The following THBS4 variants were observed in gnomAD, a reference collection of about 807,000 sequenced individuals.
THBS4 encodes thrombospondin-4.
A neutral mutation model predicts 115.7 loss-of-function variants in THBS4; 90 were observed. That is an observed-to-expected ratio of 0.78 (90% CI 0.66 to 0.93). THBS4 has a LOEUF of 0.93. Among genes scored for constraint, THBS4 ranks in the 40% least tolerant of loss-of-function variants. THBS4 has a pLI of 0.00. For missense variants in THBS4, 1,087 were observed against 1,232.7 expected, an observed-to-expected ratio of 0.88 and a Z score of 1.77; for synonymous variants, 460 against 479.3, an observed-to-expected ratio of 0.96 and a Z score of 0.53.
chr5:80,013,802 T>C (rs1832194088), intron 2 of THBS4, among the ~76,000 whole-genome samples: 1 of 152,228 alleles, frequency 6.6e-6, no homozygotes, highest in African/African-American at 2.4e-5. Flanking sequence ...ACAAGGCTAT[T>C]GTGAGAATTA....
intron 2 of THBS4, 57 bp downstream of exon 2, chr5:80,040,337 TA>T: frequency 7.2e-7 from 1 of 1,387,332 alleles, no homozygotes; most frequent in East Asian, 2.5e-5. Flanking sequence ...ATTCCAGGAT[TA>T]GGGGTATACT....
chr5:80,034,790 GA>G (rs1832656869), upstream of THBS4, among the ~76,000 whole-genome samples: 2 of 152,076 alleles, frequency 1.3e-5, no homozygotes, highest in South Asian at 4.1e-4. Flanking sequence ...AAATGATAGA[GA>G]AAAAAATTCA....
rs141309456 is a variant in THBS4, at chr5:80,063,615, A to T, written c.1125+1783A>T. Among the ~76,000 whole-genome samples the T allele has an allele frequency of 1.2e-4, 19 of 152,280 alleles. No homozygotes were observed. The East Asian group carries it at 3.3e-3, about 26-fold the overall frequency. ...TTTAATCATGAAGTCCTTGGAGGGC[A>T]TGATTTTTTAGACTAGAAAAGGGAG... On this transcript the variant is annotated intron_variant, in intron 8 of 21. Transcript: ENST00000350881.
chr5:79,998,936 C>G (rs1313060759), intron 2 of THBS4, among the ~76,000 whole-genome samples: 1 of 152,090 alleles, frequency 6.6e-6, no homozygotes, highest in African/African-American at 2.4e-5. Flanking sequence ...CCACATGGCT[C>G]TCTAGAATCA....
chr5:80,080,579 CT>C (rs67048630), intron 20 of THBS4, among the ~76,000 whole-genome samples: 144 of 50,432 alleles, frequency 2.9e-3, no homozygotes, highest in African/African-American at 5.4e-3. Context: ...GCGCTTGTAT[CT>C]TTTTTTTTTT....
At chr5:80,067,127 T>C (rs1833857571) in intron 9 of THBS4, 1 of 151,874 alleles carries the variant, frequency 6.6e-6, no homozygotes, top group African/African-American at 2.4e-5. Flanking sequence ...TACTATATTA[T>C]ATATATGAAA....
At chr5:80,067,179 A>G (rs1833859432) in intron 9 of THBS4, 1 of 151,510 alleles carries the variant, frequency 6.6e-6, no homozygotes, top group Admixed American at 6.6e-5. Flanking sequence ...ACTGAAAAAG[A>G]AAAAAAGGAA....
At chr5:80,053,170 G>A (rs539047082) in intron 2 of THBS4, 16 of 151,738 alleles carry the variant, frequency 1.1e-4, no homozygotes, top group Admixed American at 7.2e-4. Context: ...ATATACACAT[G>A]CACACTTTTT....
intron 2 of THBS4, among the ~76,000 whole-genome samples, chr5:80,023,985 T>TC (rs1832428281): frequency 6.6e-6 from 1 of 151,866 alleles, no homozygotes; most frequent in Admixed American, 6.6e-5. Flanking sequence ...AGGGCCCACC[T>TC]CCCCACACCA....
rs114459220 is a variant in THBS4, at chr5:79,995,740, A to G, written n.82-2592A>G. Among the ~76,000 whole-genome samples the G allele has an allele frequency of 4.0e-3, 611 of 152,224 alleles. 4 individuals are homozygous for G. The highest frequency in any genetic ancestry group is 7.5e-3 in the South Asian group (36 of 4,818). On this transcript the variant is annotated intron_variant and non_coding_transcript_variant, in intron 1 of 3. Transcript: ENST00000510218. Reference sequence around the variant, plus strand: ...ACTGGAGGAAGTTTCAAGGGGAACTATGGGATGCTGAGTAGATAAATCAGT... The same window carrying G: ...ACTGGAGGAAGTTTCAAGGGGAACTGTGGGATGCTGAGTAGATAAATCAGT...
chr5:80,000,965 A>G (rs2151149727), intron 2 of THBS4, among the ~76,000 whole-genome samples: 1 of 152,022 alleles, frequency 6.6e-6, no homozygotes, highest in African/African-American at 2.4e-5. Flanking sequence ...ATATATTTGG[A>G]CCTGTTTTTA....
chr5:80,059,415 T>A (rs1356047967), intron 5 of THBS4, 25 bp from the exon 6 acceptor site: 1 of 1,607,090 alleles, frequency 6.2e-7, no homozygotes. Context: ...TTTTCAATCC[T>A]TTTTTCCCCT....
chr5:80,079,091 G>A lies in THBS4; in HGVS notation c.2344G>A (p.Glu782Lys), dbSNP rs1451068469. 22 of 1,613,678 alleles carry A rather than the reference G, an allele frequency of 1.4e-5. No homozygotes were observed. The highest frequency in any genetic ancestry group is 1.8e-5 in the Non-Finnish European group (21 of 1,179,804). Reference protein sequence around the residue: ...GYTAFNGVDFEGTFHVNTQTD... With the variant: ...GYTAFNGVDFKGTFHVNTQTD... ...CACAGCTTTTAATGGAGTTGACTTC[G>A]AAGGGACCTTCCATGTGAATACCCA... The change falls in exon 19 of 22, where the codon GAA becomes AAA. Residue 782 changes from glutamate (E) to lysine (K), a missense_variant. Coordinates refer to ENST00000350881, the MANE Select transcript of THBS4 (RefSeq NM_003248.6).
chr5:79,997,316 G>A (rs1831814493), intron 1 of THBS4, among the ~76,000 whole-genome samples: 1 of 152,000 alleles, frequency 6.6e-6, no homozygotes, highest in African/African-American at 2.4e-5. Flanking sequence ...GACATTGGTA[G>A]ATGGAACCTA....
Position 80,078,961 on chromosome 5 carries a change from T to C in THBS4, c.2306T>C (p.Leu769Pro). The change falls in exon 18 of 22, where the codon CTG (leucine) becomes CCG (proline). Residue 769 changes from leucine to proline, a missense_variant. Coordinates refer to ENST00000350881, the MANE Select transcript of THBS4 (RefSeq NM_003248.6). ...CAGACCATGAACAGTGATCCTGGCC[T>C]GGCAGTGGGTATGTCCAGGGCCTCA... ...IVQTMNSDPG[L>P]AVGYTAFNGV... 2 of 1,614,184 alleles carry C rather than the reference T, an allele frequency of 1.2e-6. No individual in the cohort carries two copies. The highest frequency in any genetic ancestry group is 1.7e-6 in the Non-Finnish European group (2 of 1,180,006).
chr5:80,069,760 C>T (rs1236010104), intron 10 of THBS4, among the ~76,000 whole-genome samples: 1 of 152,190 alleles, frequency 6.6e-6, no homozygotes, highest in East Asian at 1.9e-4. Context: ...ACCAGGAGCC[C>T]GGGAGGGTCT....
intron 2 of THBS4, among the ~76,000 whole-genome samples, chr5:80,009,268 A>G (rs180723741): frequency 3.9e-4 from 60 of 152,358 alleles, no homozygotes; most frequent in Non-Finnish European, 2.5e-4. Context: ...CTGAATAATT[A>G]TATGTGTGTG....
At chr5:80,040,370 TACAATTATATTCTCACTC>T in intron 2 of THBS4, 90 bp downstream of exon 2, 3 of 1,030,116 alleles carry the variant, frequency 2.9e-6, no homozygotes, top group Non-Finnish European at 4.3e-6. Context: ...GGTTTCCTTG[TACAATTATATTCTCACTC>T]ACTAGTCATT....
upstream of THBS4, among the ~76,000 whole-genome samples, chr5:80,031,916 C>T (rs1193982875): frequency 5.3e-5 from 8 of 152,024 alleles, no homozygotes; most frequent in African/African-American, 1.9e-4. Flanking sequence ...TCCTAGATTA[C>T]AGTATTAAGA....
Sources: allele counts gnomAD v4.1 joint callset (sites outside exome capture counted in the v4.1 genomes callset), GRCh38; gene constraint gnomAD v4.1.1; transcripts MANE v1.5; gene names NCBI Gene and HGNC (gene_info 2026-07-23, HGNC 2026-07-21).